Variants in CRTC1 observed in about 807,000 individuals in gnomAD.
The protein encoded by CRTC1 is CREB-regulated transcription coactivator 1.
CRTC1 carries 18 observed loss-of-function variants against 66.1 expected under a neutral mutation model. That is an observed-to-expected ratio of 0.27 (90% CI 0.19 to 0.40). CRTC1 has a LOEUF of 0.40. Among genes scored for constraint, CRTC1 ranks in the 10% least tolerant of loss-of-function variants. The pLI is 1.00. For missense variants in CRTC1, 669 were observed against 887.9 expected, an observed-to-expected ratio of 0.75 and a Z score of 3.13; for synonymous variants, 416 against 398.8, an observed-to-expected ratio of 1.04 and a Z score of -0.51.
intron 1 of CRTC1, among the ~76,000 whole-genome samples, chr19:18,736,284 C>T (rs563124663): frequency 1.4e-4 from 21 of 152,264 alleles, no homozygotes; most frequent in South Asian, 4.1e-4. Flanking sequence ...TGGGAAGCCC[C>T]GAGTTATGGG....
intron 6 of CRTC1, among the ~76,000 whole-genome samples, chr19:18,758,164 C>A (rs59313346): frequency 0.46 from 69,823 of 150,316 alleles, 18,352 homozygotes; most frequent in East Asian, 0.88. Flanking sequence ...GATGGAGACC[C>A]TCCTGGCTAA....
At chr19:18,756,352 A>AAAAAAAAAAAG in intron 6 of CRTC1, among the ~76,000 whole-genome samples, 1 of 149,724 alleles carries the variant, frequency 6.7e-6, no homozygotes, top group Non-Finnish European at 1.5e-5. Context: ...AAAAAAAAAA[A>AAAAAAAAAAAG]AAACTCTAGG....
At chr19:18,701,659 G>A (rs982241748) in intron 1 of CRTC1, among the ~76,000 whole-genome samples, 19 of 152,226 alleles carry the variant, frequency 1.2e-4, no homozygotes, top group African/African-American at 4.1e-4. Context: ...AGGCTGGAGT[G>A]CAATGGCGCC....
chr19:18,774,785 C>G, intron 11 of CRTC1, 115 bp from the exon 12 acceptor site: 1 of 919,696 alleles, frequency 1.1e-6, no homozygotes. Flanking sequence ...CATCATCAGC[C>G]TCCTGCCGTC....
chr19:18,742,247 G>A (rs924729277), intron 1 of CRTC1, among the ~76,000 whole-genome samples: 1 of 152,148 alleles, frequency 6.6e-6, no homozygotes, highest in Non-Finnish European at 1.5e-5. Context: ...TCTGTGCCCC[G>A]ATGCCATCAG....
intron 1 of CRTC1, chr19:18,735,647 A>G (rs1237682618): frequency 6.6e-6 from 1 of 152,346 alleles, no homozygotes; most frequent in Non-Finnish European, 1.5e-5. Context: ...GTTGATGGTA[A>G]GTGGCTCCAG....
At chr19:18,686,515 C>T (rs1345701184) in intron 1 of CRTC1, among the ~76,000 whole-genome samples, 2 of 152,146 alleles carry the variant, frequency 1.3e-5, no homozygotes, top group East Asian at 3.9e-4. Flanking sequence ...GGTGTGGTGG[C>T]ACATGCCTGT....
chr19:18,759,484 C>G, intron 6 of CRTC1, 67 bp from the exon 7 acceptor site: 1 of 1,527,490 alleles, frequency 6.5e-7, no homozygotes, highest in Non-Finnish European at 9.0e-7. Context: ...CAAGGAGGCC[C>G]AGTGCCCAGG....
intron 3 of CRTC1, 61 bp downstream of exon 3, chr19:18,746,021 C>T: frequency 6.5e-7 from 1 of 1,544,558 alleles, no homozygotes; most frequent in Middle Eastern, 1.7e-4. Context: ...GGCAGGACCC[C>T]AAGTTTACCC....
At chr19:18,731,624 T>G (rs2053890259) in intron 1 of CRTC1, among the ~76,000 whole-genome samples, 1 of 152,164 alleles carries the variant, frequency 6.6e-6, no homozygotes, top group African/African-American at 2.4e-5. Context: ...CTGCCTGGCC[T>G]TGAACTCTGG....
intron 1 of CRTC1, among the ~76,000 whole-genome samples, chr19:18,703,750 A>G (rs939460830): frequency 6.6e-6 from 1 of 152,142 alleles, no homozygotes; most frequent in African/African-American, 2.4e-5. Flanking sequence ...GGTTTGAGCC[A>G]CCGTGCCTGG....
In CRTC1 at chr19:18,753,574, G is replaced by T. The variant is rs1387936208; in HGVS notation, c.613G>T (p.Asp205Tyr). ...CAAAAACCTTTCCAAGCAAGCATGG[G>T]ACACCAAGAAGGTAAGAGCCTATGA... ...ADKNLSKQAWDTKKTGSRPKS... is the reference protein window; with the variant it reads ...ADKNLSKQAWYTKKTGSRPKS... Residue 205 changes from aspartate (D) to tyrosine (Y), a missense_variant, in exon 6 of 14, where the codon GAC (aspartate) becomes TAC (tyrosine). Asp to Tyr is a radical substitution (Grantham distance 160). Coordinates refer to ENST00000321949, the MANE Select transcript of CRTC1 (RefSeq NM_015321.3). 14 of 1,610,844 alleles carry T rather than the reference G, an allele frequency of 8.7e-6. No individual in the cohort carries two copies. The highest frequency in any genetic ancestry group is 1.2e-5 in the Non-Finnish European group (14 of 1,178,240).
chr19:18,716,356 A>G (rs899845493), intron 1 of CRTC1, among the ~76,000 whole-genome samples: 2 of 151,940 alleles, frequency 1.3e-5, no homozygotes, highest in African/African-American at 4.8e-5. Flanking sequence ...AGGTTCAAGC[A>G]GTTCTCTGCC....
intron 1 of CRTC1, among the ~76,000 whole-genome samples, chr19:18,684,738 A>G (rs2052647337): frequency 6.6e-6 from 1 of 152,130 alleles, no homozygotes; most frequent in African/African-American, 2.4e-5. Context: ...TTTGGTGTGC[A>G]GGGGCAGGCC....
At chr19:18,751,664 C>T (rs2054366991) in intron 5 of CRTC1, among the ~76,000 whole-genome samples, 1 of 152,214 alleles carries the variant, frequency 6.6e-6, no homozygotes, top group South Asian at 2.1e-4. Context: ...TCCCTCTCCT[C>T]TTCTTGCTCT....
intron 1 of CRTC1, 79 bp downstream of exon 1, chr19:18,683,907 G>C (rs1341778469): frequency 1.9e-5 from 3 of 153,946 alleles, no homozygotes; most frequent in Non-Finnish European, 4.0e-5. Flanking sequence ...TGCACGGGGC[G>C]GGGTGGGGGG....
Position 18,760,261 on chromosome 19 carries a change from C to A in CRTC1, c.886+33C>A. 6.6e-7 allele frequency: 1 copy of A among 1,512,360 alleles called. No individual in the cohort carries two copies. The highest frequency in any genetic ancestry group is 9.0e-7 in the Non-Finnish European group (1 of 1,116,062). The allele number at this position is 1,512,360 out of a possible 1,614,324, so 93.7% of individuals were successfully genotyped here. A position where few individuals can be genotyped will look rare whatever the true frequency, so the allele number is the denominator to read the frequency against. On this transcript the variant is annotated intron_variant, in intron 8 of 13. Coordinates refer to ENST00000321949, the MANE Select transcript of CRTC1 (RefSeq NM_015321.3). This position sits in a 1 kb window ranked among gnomAD's most constrained non-coding sequence, Gnocchi z 6.2. ...AGGGACACTCCGCCCTCGGACAGAG[C>A]ACTGGCTTGTGGAGACAACACGGGC...
rs1440356256 is a variant in CRTC1, at chr19:18,760,258, G to C, written c.886+30G>C. The C allele has an allele frequency of 6.6e-7, 1 of 1,522,542 alleles. No homozygotes were observed. The highest frequency in any genetic ancestry group is 1.9e-5 in the Admixed American group (1 of 51,618). 94.3% of individuals were successfully genotyped at this position (1,522,542 alleles called of 1,614,324 possible). A position where few individuals can be genotyped will look rare whatever the true frequency, so the allele number is the denominator to read the frequency against. ...GGCAGGGACACTCCGCCCTCGGACA[G>C]AGCACTGGCTTGTGGAGACAACACG... On this transcript the variant is annotated intron_variant, in intron 8 of 13. Transcript: ENST00000321949. The surrounding 1 kb of genome is among the most constrained non-coding windows in gnomAD (Gnocchi z 6.2).
rs1456046524 is a variant in CRTC1 at position 18,705,315 on chromosome 19, G to A, written c.126+21487G>A. Among the ~76,000 whole-genome samples, 3 of 150,480 alleles carry A rather than the reference G, an allele frequency of 2.0e-5. No individual in the cohort carries two copies. The Admixed American group carries it at 2.0e-4, about 10-fold the overall frequency. On this transcript the variant is annotated intron_variant, in intron 1 of 13. Transcript: ENST00000321949. ...CAGACATGGGATTGCTGGATCATGT[G>A]TAATTGTATGTTTAATTTTTTTTGA...
Sources: gnomAD v4.1 joint callset for allele counts (sites outside exome capture counted in the v4.1 genomes callset) on GRCh38, gnomAD v4.1.1 for gene constraint, Gnocchi (gnomAD v3.1) non-coding constraint, MANE v1.5 for transcripts, NCBI Gene and HGNC (gene_info 2026-07-23, HGNC 2026-07-21) for gene names.